The following MGAT5 variants were observed in gnomAD, a reference collection of about 807,000 sequenced individuals.
The protein encoded by MGAT5 is alpha-1,6-mannosylglycoprotein 6-beta-N-acetylglucosaminyltransferase A.
A neutral mutation model predicts 94.3 loss-of-function variants in MGAT5; 30 were observed. That is an observed-to-expected ratio of 0.32 (90% CI 0.24 to 0.43). MGAT5 has a LOEUF of 0.43. Among genes scored for constraint, MGAT5 ranks in the 20% least tolerant of loss-of-function variants. The pLI is 1.00. For missense variants in MGAT5, 691 were observed against 905.5 expected (o/e 0.76, Z 3.04); for synonymous variants, 310 against 322.9 (o/e 0.96, Z 0.43).
At chr2:134,341,470 C>G (rs1243634987) in intron 6 of MGAT5, 120 bp from the exon 7 acceptor site, 1 of 787,554 alleles carries the variant, frequency 1.3e-6, no homozygotes, top group African/African-American at 1.8e-5. Flanking sequence ...GCATTCCCCA[C>G]CCTTTGATTT....
intron 11 of MGAT5, among the ~76,000 whole-genome samples, chr2:134,411,913 G>T (rs553056325): frequency 6.0e-4 from 92 of 152,318 alleles, no homozygotes; most frequent in African/African-American, 2.1e-3. Context: ...ATGTGCCCCT[G>T]GGGGCTGAAA....
intron 1 of MGAT5, among the ~76,000 whole-genome samples, chr2:134,247,374 AC>A (rs367866378): frequency 0.039 from 5,482 of 140,602 alleles, 525 homozygotes; most frequent in African/African-American, 0.13. Context: ...AAAAAAAAAA[AC>A]AAAAAAAAAA....
chr2:134,196,842 C>T (rs1679519406), intron 1 of MGAT5, among the ~76,000 whole-genome samples: 1 of 152,214 alleles, frequency 6.6e-6, no homozygotes, highest in South Asian at 2.1e-4. Flanking sequence ...GAAGCCAAAA[C>T]ATTGGCTGCC....
intron 1 of MGAT5, among the ~76,000 whole-genome samples, chr2:134,181,009 GT>G (rs1688709035): frequency 6.6e-6 from 1 of 152,164 alleles, no homozygotes; most frequent in South Asian, 2.1e-4. Flanking sequence ...AGTTTCCTTT[GT>G]GTGTTTAAGT....
At chr2:134,332,549 T>C (rs371253386) in intron 4 of MGAT5, among the ~76,000 whole-genome samples, 12 of 152,214 alleles carry the variant, frequency 7.9e-5, no homozygotes, top group African/African-American at 2.9e-4. Flanking sequence ...ATGTCTAAAA[T>C]ACCAAAAGCA....
intron 1 of MGAT5, among the ~76,000 whole-genome samples, chr2:134,188,119 C>A (rs573879386): frequency 1.1e-3 from 171 of 152,368 alleles, no homozygotes; most frequent in African/African-American, 3.9e-3. Context: ...GTGCTGTGTT[C>A]TCAAAATTAG....
intron 1 of MGAT5, among the ~76,000 whole-genome samples, chr2:134,208,629 A>G (rs1008582834): frequency 6.6e-6 from 1 of 152,254 alleles, no homozygotes; most frequent in Non-Finnish European, 1.5e-5. Context: ...ACATAGATGC[A>G]TATGTATACC....
At chr2:134,310,773 C>T (rs1449195624) in intron 2 of MGAT5, among the ~76,000 whole-genome samples, 3 of 152,190 alleles carry the variant, frequency 2.0e-5, no homozygotes, top group Admixed American at 2.0e-4. Flanking sequence ...CTGGTGAGGT[C>T]ATTTTCAATG....
intron 10 of MGAT5, among the ~76,000 whole-genome samples, chr2:134,387,753 G>A (rs780526384): frequency 3.3e-5 from 5 of 151,940 alleles, no homozygotes; most frequent in Non-Finnish European, 5.9e-5. Flanking sequence ...TGGTGAAGGG[G>A]AACAAAAAAA....
chr2:134,341,535 T>C, intron 6 of MGAT5, 55 bp from the exon 7 acceptor site: 2 of 1,435,866 alleles, frequency 1.4e-6, no homozygotes, highest in Non-Finnish European at 1.9e-6. Context: ...GGCGCATTAC[T>C]GTGCCTTTTG....
chr2:134,120,425 G>C lies in MGAT5; in HGVS notation c.-143+134G>C, dbSNP rs535106909. The C allele has an allele frequency of 1.3e-4, 44 of 329,228 alleles. 2 individuals carry two copies. The South Asian group carries it at 6.2e-3, about 46-fold the overall frequency. 20.4% of individuals were successfully genotyped at this position (329,228 alleles called of 1,614,324 possible). The stretch of plus-strand genomic sequence containing the variant: ...GGAGAGCCCGCACCGGGGTCGGCGC[G>C]GTCGGGGGCTTCCTTCCGTCGCTCC... On this transcript the variant is annotated intron_variant, in intron 1 of 16. Coordinates refer to the MGAT5 transcript ENST00000409645.
At chr2:134,205,696 C>T (rs1679994106) in intron 1 of MGAT5, among the ~76,000 whole-genome samples, 1 of 152,176 alleles carries the variant, frequency 6.6e-6, no homozygotes, top group Admixed American at 6.5e-5. Flanking sequence ...ATTTGAGAGC[C>T]TCCACTTACA....
chr2:134,326,787 G>T (rs996476434), intron 4 of MGAT5, among the ~76,000 whole-genome samples: 19 of 152,102 alleles, frequency 1.2e-4, no homozygotes, highest in Non-Finnish European at 2.6e-4. Flanking sequence ...AGAAGTGATG[G>T]TGTCAGTTTT....
intron 2 of MGAT5, among the ~76,000 whole-genome samples, chr2:134,298,905 T>A (rs1458272437): frequency 6.6e-6 from 1 of 152,104 alleles, no homozygotes; most frequent in African/African-American, 2.4e-5. Flanking sequence ...TCCCTCTGAA[T>A]GAAAAAGTCA....
At chr2:134,415,687 C>T (rs1473118279) in intron 12 of MGAT5, among the ~76,000 whole-genome samples, 1 of 152,138 alleles carries the variant, frequency 6.6e-6, no homozygotes, top group Non-Finnish European at 1.5e-5. Context: ...ACCCAAACAT[C>T]ATTGCCCAGA....
intron 4 of MGAT5, among the ~76,000 whole-genome samples, chr2:134,330,233 G>T (rs1687880491): frequency 6.6e-6 from 1 of 152,144 alleles, no homozygotes; most frequent in African/African-American, 2.4e-5. Context: ...CAACTCTAAA[G>T]TAGATGAGAA....
chr2:134,218,503 G>A (rs1446150976), intron 1 of MGAT5, among the ~76,000 whole-genome samples: 2 of 152,176 alleles, frequency 1.3e-5, no homozygotes, highest in Non-Finnish European at 2.9e-5. Context: ...TCTCAGCTGG[G>A]CTTTCTTATG....
At chr2:134,175,141 A>C (rs1688399606) in intron 1 of MGAT5, among the ~76,000 whole-genome samples, 1 of 152,234 alleles carries the variant, frequency 6.6e-6, no homozygotes, top group South Asian at 2.1e-4. Flanking sequence ...TGCAGTGTCC[A>C]GTTCTGCTGC....
chr2:134,260,860 G>A (rs1253992799), intron 1 of MGAT5, among the ~76,000 whole-genome samples: 1 of 152,024 alleles, frequency 6.6e-6, no homozygotes, highest in Non-Finnish European at 1.5e-5. Flanking sequence ...GTCTGAGAAG[G>A]CTTTTAGTTA....
Sources: allele counts gnomAD v4.1 joint callset (sites outside exome capture counted in the v4.1 genomes callset), GRCh38; gene constraint gnomAD v4.1.1; transcripts MANE v1.5; gene names NCBI Gene and HGNC (gene_info 2026-07-23, HGNC 2026-07-21).